The following SORCS1 variants were observed in gnomAD, a reference collection of about 807,000 sequenced individuals.
The protein encoded by SORCS1 is sortilin related VPS10 domain containing receptor 1.
In SORCS1, 60 loss-of-function variants were observed where a neutral mutation model predicts 146.1. The observed-to-expected ratio is 0.41, with a 90% CI of 0.33 to 0.51. The LOEUF (loss-of-function observed/expected upper bound fraction) is 0.51, where lower values mean the gene tolerates loss of function less well. Ranked by LOEUF, SORCS1 falls within the 20% of genes least tolerant of loss-of-function variation. SORCS1 has a pLI of 0.21. For synonymous variants in SORCS1, 637 were observed against 584.0 expected (o/e 1.09, Z -1.31); for missense variants, 1,352 against 1,487.6 (o/e 0.91, Z 1.50).
chr10:106,996,211 A>G (rs1204097529), intron 1 of SORCS1, among the ~76,000 whole-genome samples: 1 of 146,980 alleles, frequency 6.8e-6, no homozygotes. Context: ...TGGGCGACAG[A>G]GCGAGACTCC....
chr10:106,625,953 A>G (rs373685846), intron 19 of SORCS1, among the ~76,000 whole-genome samples: 5 of 152,332 alleles, frequency 3.3e-5, no homozygotes, highest in Admixed American at 6.5e-5. Context: ...AGCAGAGCAC[A>G]GTGAATACTA....
At chr10:107,095,031 T>C (rs1964451740) in intron 1 of SORCS1, among the ~76,000 whole-genome samples, 1 of 152,126 alleles carries the variant, frequency 6.6e-6, no homozygotes, top group Non-Finnish European at 1.5e-5. Flanking sequence ...TAACAAGATG[T>C]AAAAATCCCC....
intron 2 of SORCS1, among the ~76,000 whole-genome samples, chr10:106,892,906 T>C (rs1398531829): frequency 6.6e-6 from 1 of 151,908 alleles, no homozygotes; most frequent in Non-Finnish European, 1.5e-5. Flanking sequence ...TTTTTTTTTT[T>C]TTTTTGAGAT....
At chr10:107,162,688 A>G (rs1293070953) in intron 1 of SORCS1, among the ~76,000 whole-genome samples, 2 of 152,230 alleles carry the variant, frequency 1.3e-5, no homozygotes, top group Non-Finnish European at 2.9e-5. Flanking sequence ...ATTCATGATG[A>G]CAGATTAGTA....
chr10:107,108,668 T>A (rs951721476), intron 1 of SORCS1, among the ~76,000 whole-genome samples: 1 of 152,166 alleles, frequency 6.6e-6, no homozygotes, highest in Admixed American at 6.5e-5. Flanking sequence ...TCAAATCTCA[T>A]GTCCTTCTCA....
At chr10:106,833,313 T>C (rs1948640430) in intron 2 of SORCS1, among the ~76,000 whole-genome samples, 1 of 152,136 alleles carries the variant, frequency 6.6e-6, no homozygotes, top group Non-Finnish European at 1.5e-5. Context: ...GGCTTTGTAA[T>C]AAGCAATTGA....
chr10:106,945,208 A>AGATAC (rs1204195242), intron 2 of SORCS1, among the ~76,000 whole-genome samples: 29 of 152,026 alleles, frequency 1.9e-4, no homozygotes, highest in Non-Finnish European at 3.1e-4. Flanking sequence ...TTAATAGTAT[A>AGATAC]GATACGAATG....
rs1859265361 is a variant in SORCS1 at position 106,763,054 on chromosome 10, C to A, written c.886-1393G>T. On this transcript the variant is annotated intron_variant, in intron 4 of 25. Transcript: ENST00000263054. ...AAGTTTAAAGGGAACAGAGTTCATA[C>A]CATTGTGGTGTGCCTATGTCATATA... Among the ~76,000 whole-genome samples, 4 of 152,214 alleles carry A rather than the reference C, an allele frequency of 2.6e-5. No individual in the cohort carries two copies. In the South Asian group the frequency reaches 6.2e-4, roughly 24 times the overall value.
chr10:106,912,622 T>C (rs1952220711), intron 2 of SORCS1, among the ~76,000 whole-genome samples: 1 of 152,200 alleles, frequency 6.6e-6, no homozygotes, highest in Admixed American at 6.5e-5. Context: ...AAAATATAGA[T>C]TCCTGGTTCT....
chr10:106,816,696 C>T lies in SORCS1; in HGVS notation c.726+12878G>A, dbSNP rs72825297. Among the ~76,000 whole-genome samples, 542 of 152,138 alleles carry T rather than the reference C, an allele frequency of 3.6e-3. 2 individuals are homozygous for T. The highest frequency in any genetic ancestry group is 0.014 in the Middle Eastern group (4 of 294). On this transcript the variant is annotated intron_variant, in intron 3 of 25. Transcript: ENST00000263054. ...GATTGGTAATTCTGGTGGTCTGCCC[C>T]TTCTTTTAAAGAAAGCATACATTTT... is the stretch of plus-strand genomic sequence containing the variant.
rs1450500406 is a variant in SORCS1, at chr10:106,840,841, T to TTTTA, written c.627-11169_627-11168insTAAA. Among the ~76,000 whole-genome samples the TTTTA allele has an allele frequency of 7.2e-4, 82 of 113,852 alleles. 1 individual carries two copies. Among genetic ancestry groups the TTTTA allele is most frequent in the African/African-American group, 2.7e-3 (77 of 28,730 alleles). 74.7% of individuals were successfully genotyped at this position (113,852 alleles called of 152,430 possible). ...TAATAATTCACATTTTTTAGTTATA[T>TTTTA]TATATATATATATATATATATATTT... On this transcript the variant is annotated intron_variant, in intron 2 of 25. Transcript: ENST00000263054.
At chr10:107,019,786 G>A (rs1265527412) in intron 1 of SORCS1, among the ~76,000 whole-genome samples, 3 of 152,256 alleles carry the variant, frequency 2.0e-5, no homozygotes, top group Non-Finnish European at 2.9e-5. Flanking sequence ...GCTGTACTGA[G>A]CCCATTGGGG....
intron 3 of SORCS1, among the ~76,000 whole-genome samples, chr10:106,798,655 T>C (rs533353912): frequency 3.5e-4 from 53 of 152,336 alleles, no homozygotes; most frequent in African/African-American, 1.2e-3. Context: ...CCATGGTGTA[T>C]ATGTGCCACA....
intron 2 of SORCS1, among the ~76,000 whole-genome samples, chr10:106,833,302 T>C (rs1948640038): frequency 6.6e-6 from 1 of 152,204 alleles, no homozygotes; most frequent in African/African-American, 2.4e-5. Flanking sequence ...TTAAACATCA[T>C]GGCTTTGTAA....
intron 3 of SORCS1, among the ~76,000 whole-genome samples, chr10:106,808,411 CAG>C (rs1301719880): frequency 6.6e-6 from 1 of 152,184 alleles, no homozygotes; most frequent in Admixed American, 6.5e-5. Flanking sequence ...AATGAGCTAA[CAG>C]AATATGTGTT....
At chr10:106,802,258 T>C (rs1946940801) in intron 3 of SORCS1, among the ~76,000 whole-genome samples, 1 of 152,196 alleles carries the variant, frequency 6.6e-6, no homozygotes, top group Non-Finnish European at 1.5e-5. Flanking sequence ...AAGGTGAGCC[T>C]GGCTTCAGGG....
intron 2 of SORCS1, among the ~76,000 whole-genome samples, chr10:106,914,094 A>C (rs556608574): frequency 4.7e-4 from 71 of 152,342 alleles, no homozygotes; most frequent in Non-Finnish European, 7.6e-4. Flanking sequence ...TAAGCACTTA[A>C]AAAGTAAATC....
intron 2 of SORCS1, among the ~76,000 whole-genome samples, chr10:106,906,281 A>T (rs2138147816): frequency 6.6e-6 from 1 of 152,134 alleles, no homozygotes; most frequent in Non-Finnish European, 1.5e-5. Context: ...CGCCTGGCTA[A>T]TTTTTGTATT....
At chr10:106,839,409 C>T (rs764828364) in intron 2 of SORCS1, among the ~76,000 whole-genome samples, 7 of 152,154 alleles carry the variant, frequency 4.6e-5, no homozygotes, top group Non-Finnish European at 7.3e-5. Flanking sequence ...TAACCCAGAG[C>T]AAGGCCGTAA....
Sources: allele counts gnomAD v4.1 joint callset (sites outside exome capture counted in the v4.1 genomes callset), GRCh38; gene constraint gnomAD v4.1.1; transcripts MANE v1.5; gene names NCBI Gene and HGNC (gene_info 2026-07-23, HGNC 2026-07-21).